VAV2: variants seen among roughly 807,000 people sequenced by gnomAD.
The protein encoded by VAV2 is guanine nucleotide exchange factor VAV2.
Under a neutral mutation model 132.5 loss-of-function variants are expected in VAV2, and 67 were observed. The observed-to-expected ratio is 0.51, with a 90% CI of 0.42 to 0.62. VAV2 has a LOEUF of 0.62. Among genes scored for constraint, VAV2 ranks in the 20% least tolerant of loss-of-function variants. The probability of loss-of-function intolerance (pLI) is 0.00; values close to 1 mark genes in which losing one functional copy is unlikely to be tolerated. For missense variants in VAV2, 938 were observed against 1,153.6 expected, an observed-to-expected ratio of 0.81 and a Z score of 2.71; for synonymous variants, 492 against 443.5, an observed-to-expected ratio of 1.11 and a Z score of -1.37.
chr9:133,816,113 G>A (rs912168067), intron 4 of VAV2, among the ~76,000 whole-genome samples: 17 of 152,168 alleles, frequency 1.1e-4, no homozygotes, highest in African/African-American at 3.6e-4. Flanking sequence ...GGTCTCCTGC[G>A]TCCTTACTGT....
rs1228806795 is a variant in VAV2 at position 133,991,588 on chromosome 9, C to G, written c.204+487G>C. Among the ~76,000 whole-genome samples, 1 of 151,618 alleles carries G rather than the reference C, an allele frequency of 6.6e-6. No individual in the cohort carries two copies. The highest frequency in any genetic ancestry group is 2.4e-5 in the African/African-American group (1 of 41,390). ...ACCCAGCTCCCTCCGGCCCCGAGGGCTCCCGCCCCGCGCCCCTCCCGGGCC... is the reference window on the plus strand; with the variant it reads ...ACCCAGCTCCCTCCGGCCCCGAGGGGTCCCGCCCCGCGCCCCTCCCGGGCC... On this transcript the variant is annotated intron_variant, in intron 1 of 29. Transcript: ENST00000371850. The surrounding 1 kb of genome is among the most constrained non-coding windows in gnomAD (Gnocchi z 4.8).
At chr9:133,910,829 AAAAAAAAAG>A (rs1252324612) in intron 2 of VAV2, among the ~76,000 whole-genome samples, 3 of 148,702 alleles carry the variant, frequency 2.0e-5, no homozygotes, top group South Asian at 2.1e-4. Flanking sequence ...GTCTCAAAAA[AAAAAAAAAG>A]AAAAAGAAAA....
intron 2 of VAV2, among the ~76,000 whole-genome samples, chr9:133,875,730 C>CTA (rs1406079208): frequency 6.6e-6 from 1 of 152,216 alleles, no homozygotes; most frequent in African/African-American, 2.4e-5. Flanking sequence ...GCACAAGAGG[C>CTA]TATAGAATGA....
At chr9:133,917,712 C>A (rs539017640) in intron 2 of VAV2, among the ~76,000 whole-genome samples, 1 of 152,174 alleles carries the variant, frequency 6.6e-6, no homozygotes, top group African/African-American at 2.4e-5. Context: ...TGGCCCAGGC[C>A]GGGCATCCAG....
At chr9:133,860,941 T>C (rs1299875580) in intron 3 of VAV2, among the ~76,000 whole-genome samples, 2 of 152,278 alleles carry the variant, frequency 1.3e-5, no homozygotes, top group Non-Finnish European at 2.9e-5. Flanking sequence ...TTGGCTTGGC[T>C]TGTCCAGTGC....
intron 4 of VAV2, among the ~76,000 whole-genome samples, chr9:133,820,424 C>T (rs1026550876): frequency 6.6e-6 from 1 of 151,684 alleles, no homozygotes; most frequent in Non-Finnish European, 1.5e-5. Flanking sequence ...CCGGGGTTCA[C>T]GCCTTTCTCC....
rs1037602183 is a variant in VAV2 at position 133,980,478 on chromosome 9, C to T, written c.204+11597G>A. 5.9e-5 allele frequency among the ~76,000 whole-genome samples: 9 copies of T among 152,316 alleles called. No homozygotes were observed. The South Asian group carries it at 1.9e-3, about 32-fold the overall frequency. ...GGCAGAGGGGCCCTGGCAACAAGATCTTTCCCCAGGGCACTGGGGTGCTGC... is the reference window on the plus strand; with the variant it reads ...GGCAGAGGGGCCCTGGCAACAAGATTTTTCCCCAGGGCACTGGGGTGCTGC... On this transcript the variant is annotated intron_variant, in intron 1 of 29. Coordinates refer to ENST00000371850, the MANE Select transcript of VAV2 (RefSeq NM_001134398.2).
At position 133,918,778 on chromosome 9, in the gene VAV2, T is replaced by C. The variant is rs1840194012; in HGVS notation, c.321+20325A>G. 6.6e-6 allele frequency among the ~76,000 whole-genome samples: 1 copy of C among 151,898 alleles called. No homozygotes were observed. The highest frequency in any genetic ancestry group is 2.4e-5 in the African/African-American group (1 of 41,312). On this transcript the variant is annotated intron_variant, in intron 2 of 29. Coordinates refer to ENST00000371850, the MANE Select transcript of VAV2 (RefSeq NM_001134398.2). The surrounding 1 kb of genome is among the most constrained non-coding windows in gnomAD (Gnocchi z 4.7). ...CCATGTGTGTGTGTGTGTTTGTTTG[T>C]TTGTTTGTTTGTTTTGAGACAGAGT...
Position 133,839,715 on chromosome 9 carries a change from C to A in VAV2, c.381-5375G>T, listed in dbSNP as rs560213157. On this transcript the variant is annotated intron_variant, in intron 3 of 29. Transcript: ENST00000371850. ...CCGCCCGCCTCAGCCTCCCAAAGTG[C>A]TGGGATTACAGGCGTGAGCCACCAT... Among the ~76,000 whole-genome samples the A allele has an allele frequency of 2.6e-5, 4 of 152,316 alleles. No homozygotes were observed. The South Asian group carries it at 8.3e-4, about 32-fold the overall frequency.
At chr9:133,929,552 G>A (rs567920696) in intron 2 of VAV2, among the ~76,000 whole-genome samples, 23 of 152,250 alleles carry the variant, frequency 1.5e-4, no homozygotes, top group African/African-American at 5.5e-4. Flanking sequence ...AGGGTCCCAG[G>A]CAGAAGAGGA....
intron 1 of VAV2, among the ~76,000 whole-genome samples, chr9:133,946,803 CA>C (rs2132163140): frequency 1.3e-5 from 2 of 152,320 alleles, no homozygotes; most frequent in South Asian, 4.1e-4. Flanking sequence ...TACTATTCAA[CA>C]GATGCAGCTT....
At chr9:133,976,119 T>C (rs1305106681) in intron 1 of VAV2, among the ~76,000 whole-genome samples, 4 of 151,978 alleles carry the variant, frequency 2.6e-5, no homozygotes, top group Non-Finnish European at 4.4e-5. Context: ...AGGCAGAGAA[T>C]TGCTTGAACC....
intron 1 of VAV2, among the ~76,000 whole-genome samples, chr9:133,975,683 C>T (rs997156303): frequency 6.6e-6 from 1 of 152,228 alleles, no homozygotes; most frequent in Non-Finnish European, 1.5e-5. Context: ...GAAGCCCACA[C>T]GGGGCTGCTC....
chr9:133,857,456 G>A lies in VAV2; in HGVS notation c.380+3918C>T, dbSNP rs1373936256. On this transcript the variant is annotated intron_variant, in intron 3 of 29. Coordinates refer to ENST00000371850, the MANE Select transcript of VAV2 (RefSeq NM_001134398.2). This position sits in a 1 kb window ranked among gnomAD's most constrained non-coding sequence, Gnocchi z 4.0. ...GCTCATTATGCAAAGTGCAAGGGTT[G>A]TGAAAATGATTTTTTGAAGGAGCAC... Among the ~76,000 whole-genome samples the A allele has an allele frequency of 2.0e-5, 3 of 152,228 alleles. No homozygotes were observed. The highest frequency in any genetic ancestry group is 2.9e-5 in the Non-Finnish European group (2 of 68,044).
Position 133,770,440 on chromosome 9 carries a change from G to T in VAV2, c.2285C>A (p.Thr762Lys), listed in dbSNP as rs773411427. Reference sequence around the variant, plus strand: ...CCGGGACTTGTAGGGGTACTTGAGTGTGGTGTCCAGCTGCTTGAAGCTCTC... The same window carrying T: ...CCGGGACTTGTAGGGGTACTTGAGTTTGGTGTCCAGCTGCTTGAAGCTCTC... The part of the protein sequence containing the change: ...LKESFKQLDT[T>K]LKYPYKSRER... The change falls in exon 27 of 30, where the codon ACA becomes AAA. Residue 762 changes from threonine to lysine, a missense_variant. Physicochemically the swap from Thr to Lys is moderately conservative, Grantham distance 78. Coordinates refer to ENST00000371850, the MANE Select transcript of VAV2 (RefSeq NM_001134398.2). 1 of 1,614,172 alleles carries T rather than the reference G, an allele frequency of 6.2e-7. No homozygotes were observed. The highest frequency in any genetic ancestry group is 8.5e-7 in the Non-Finnish European group (1 of 1,179,990).
intron 1 of VAV2, among the ~76,000 whole-genome samples, chr9:133,985,082 T>C (rs1440946597): frequency 1.3e-5 from 2 of 152,080 alleles, no homozygotes; most frequent in East Asian, 3.8e-4. Flanking sequence ...TGTCAACATG[T>C]ATAGACACAT....
chr9:133,976,867 C>T (rs1842529645), intron 1 of VAV2, among the ~76,000 whole-genome samples: 1 of 152,234 alleles, frequency 6.6e-6, no homozygotes, highest in African/African-American at 2.4e-5. Context: ...CCTTTTATCC[C>T]CATCCTACAG....
intron 12 of VAV2, among the ~76,000 whole-genome samples, chr9:133,792,761 T>C (rs1389333316): frequency 1.4e-5 from 2 of 139,514 alleles, no homozygotes; most frequent in African/African-American, 5.4e-5. Flanking sequence ...GAGGCCGCCC[T>C]CGAGACAGGA....
chr9:133,798,947 A>G (rs1383575584), intron 9 of VAV2, among the ~76,000 whole-genome samples: 1 of 152,208 alleles, frequency 6.6e-6, no homozygotes, highest in African/African-American at 2.4e-5. Flanking sequence ...CGGGAAGCCC[A>G]GGGCAGGCTC....
Sources: allele counts gnomAD v4.1 joint callset (sites outside exome capture counted in the v4.1 genomes callset), GRCh38; gene constraint gnomAD v4.1.1; non-coding constraint Gnocchi (gnomAD v3.1); transcripts MANE v1.5; gene names NCBI Gene and HGNC (gene_info 2026-07-23, HGNC 2026-07-21).